WDPCP: variants seen among roughly 807,000 people sequenced by gnomAD.
WDPCP encodes WD repeat containing planar cell polarity effector.
In WDPCP, 71 loss-of-function variants were observed where a neutral mutation model predicts 93.1. That is an observed-to-expected ratio of 0.76 (90% CI 0.63 to 0.93). WDPCP has a LOEUF of 0.93. WDPCP is among the 40% of genes least tolerant of loss of function. WDPCP has a pLI of 0.00. For synonymous variants in WDPCP, 315 were observed against 315.0 expected (o/e 1.00, Z 0.00); for missense variants, 844 against 887.4 (o/e 0.95, Z 0.62).
At chr2:63,397,616 T>C (rs892422134) in intron 10 of WDPCP, among the ~76,000 whole-genome samples, 4 of 152,096 alleles carry the variant, frequency 2.6e-5, no homozygotes, top group African/African-American at 9.7e-5. Flanking sequence ...AAAGTTGCAT[T>C]TGGGATCATA....
chr2:63,158,146 TTATTTC>T (rs1351943045), intron 15 of WDPCP, among the ~76,000 whole-genome samples: 1 of 152,208 alleles, frequency 6.6e-6, no homozygotes, highest in Non-Finnish European at 1.5e-5. Context: ...TTTCTGTTAT[TTATTTC>T]TAATCTATTC....
chr2:63,174,834 T>C lies in WDPCP; in HGVS notation c.1916-2A>G, dbSNP rs763299856. 6 of 1,613,660 alleles carry C rather than the reference T, an allele frequency of 3.7e-6. No individual in the cohort carries two copies. Among genetic ancestry groups the C allele is most frequent in the Non-Finnish European group, 3.4e-6 (4 of 1,179,682 alleles). ...CTCTGTCCAAGGGTCCCAGGAGTTC[T>C]GTTGAAAATGATTAATATGTGAGTG... is the stretch of plus-strand genomic sequence containing the variant. On this transcript the variant is annotated splice_acceptor_variant, in intron 14 of 17. Transcript: ENST00000272321. LOFTEE classifies it high-confidence loss of function.
intron 1 of WDPCP, among the ~76,000 whole-genome samples, chr2:63,558,756 C>A (rs1706339327): frequency 6.6e-6 from 1 of 151,974 alleles, no homozygotes. Context: ...CCTAAACAGA[C>A]CAATAACAAG....
chr2:63,470,295 TA>T (rs1273574507), intron 6 of WDPCP, among the ~76,000 whole-genome samples: 2 of 152,218 alleles, frequency 1.3e-5, no homozygotes, highest in Admixed American at 6.5e-5. Context: ...CAAATTCCAA[TA>T]ATCAACAATC....
chr2:63,597,451 C>T (rs527491180), intron 3 of WDPCP: 2 of 1,500,484 alleles, frequency 1.3e-6, no homozygotes, highest in South Asian at 2.7e-5. Flanking sequence ...TGGATGTGGC[C>T]ATTCTTGTGG....
chr2:63,758,645 G>A (rs1364329525), intron 2 of WDPCP, among the ~76,000 whole-genome samples: 3 of 152,204 alleles, frequency 2.0e-5, no homozygotes, highest in African/African-American at 7.2e-5. Context: ...TCACCGTGTT[G>A]CCCAGGCTAG....
At chr2:63,289,252 T>G (rs936131641) in intron 13 of WDPCP, among the ~76,000 whole-genome samples, 4 of 152,112 alleles carry the variant, frequency 2.6e-5, no homozygotes, top group African/African-American at 9.6e-5. Flanking sequence ...GTTTGCCAAA[T>G]TGTCATTTTC....
At chr2:63,357,366 T>C (rs1268291761) in intron 12 of WDPCP, among the ~76,000 whole-genome samples, 1 of 152,124 alleles carries the variant, frequency 6.6e-6, no homozygotes, top group Non-Finnish European at 1.5e-5. Flanking sequence ...TTGCAAACTA[T>C]GCATCTGACA....
At chr2:63,450,015 A>C (rs1698125188) in intron 6 of WDPCP, among the ~76,000 whole-genome samples, 1 of 152,176 alleles carries the variant, frequency 6.6e-6, no homozygotes, top group African/African-American at 2.4e-5. Context: ...TGCACCAAAA[A>C]GGGAGCCCCC....
At chr2:63,540,012 A>C (rs1213984904) in intron 1 of WDPCP, among the ~76,000 whole-genome samples, 1 of 152,232 alleles carries the variant, frequency 6.6e-6, no homozygotes, top group Non-Finnish European at 1.5e-5. Flanking sequence ...TGCAATGAAT[A>C]GTCTCTTGAG....
chr2:63,512,853 C>T (rs966411516), intron 1 of WDPCP, among the ~76,000 whole-genome samples: 3 of 151,396 alleles, frequency 2.0e-5, no homozygotes, highest in African/African-American at 4.9e-5. Context: ...TAACAAACCG[C>T]ACGTTCTGCA....
chr2:63,338,559 AAAAAAAAAAAAT>A (rs1688575890), intron 12 of WDPCP, among the ~76,000 whole-genome samples: 2 of 61,758 alleles, frequency 3.2e-5, no homozygotes, highest in Admixed American at 1.9e-4. Flanking sequence ...TCTAAAAAAA[AAAAAAAAAAAAT>A]ATATATATAT....
At chr2:63,512,011 C>T (rs751764218) in intron 1 of WDPCP, among the ~76,000 whole-genome samples, 7 of 152,138 alleles carry the variant, frequency 4.6e-5, no homozygotes, top group Non-Finnish European at 1.0e-4. Context: ...TGACAAAGGG[C>T]TAATATCCAG....
At chr2:63,274,337 C>A (rs1281879704) in intron 13 of WDPCP, among the ~76,000 whole-genome samples, 7 of 151,894 alleles carry the variant, frequency 4.6e-5, no homozygotes, top group Non-Finnish European at 8.8e-5. Flanking sequence ...TAGGATACAG[C>A]CAAAGCAGTG....
At chr2:63,729,156 C>T (rs1164804599) in intron 2 of WDPCP, among the ~76,000 whole-genome samples, 4 of 152,128 alleles carry the variant, frequency 2.6e-5, no homozygotes. Context: ...CTACATCAAA[C>T]ACTGACTTGG....
At chr2:63,218,662 T>G (rs1677555099) in intron 14 of WDPCP, among the ~76,000 whole-genome samples, 1 of 152,126 alleles carries the variant, frequency 6.6e-6, no homozygotes, top group African/African-American at 2.4e-5. Context: ...CCTGAGTAGC[T>G]GGGACTAAAG....
chr2:63,826,823 C>A (rs1015269141), intron 1 of WDPCP, among the ~76,000 whole-genome samples: 5 of 152,056 alleles, frequency 3.3e-5, no homozygotes, highest in Non-Finnish European at 5.9e-5. Flanking sequence ...ACAAATATAT[C>A]ATTTTTCTAA....
chr2:63,438,130 T>TG, intron 7 of WDPCP: 5 of 728,546 alleles, frequency 6.9e-6, no homozygotes, highest in South Asian at 6.8e-5. Flanking sequence ...TCTACAGCTT[T>TG]GTCACCAAAG....
At chr2:63,330,224 A>G (rs901200600) in intron 12 of WDPCP, among the ~76,000 whole-genome samples, 2 of 152,176 alleles carry the variant, frequency 1.3e-5, no homozygotes, top group Non-Finnish European at 1.5e-5. Flanking sequence ...CCTTTTATGC[A>G]CATTCTTGCC....
Sources: gnomAD v4.1 joint callset for allele counts (sites outside exome capture counted in the v4.1 genomes callset) on GRCh38, gnomAD v4.1.1 for gene constraint, MANE v1.5 for transcripts, NCBI Gene and HGNC (gene_info 2026-07-23, HGNC 2026-07-21) for gene names.